FSD1: variants seen among roughly 807,000 people sequenced by gnomAD.
FSD1 encodes the protein fibronectin type III and SPRY domain-containing protein 1.
FSD1 carries 23 observed loss-of-function variants against 58.2 expected under a neutral mutation model. The ratio of observed to expected loss-of-function variants is 0.40; its 90% CI spans 0.28 to 0.56. The LOEUF is 0.56. Ranked by LOEUF, FSD1 falls within the 20% of genes least tolerant of loss-of-function variation. The pLI is 0.54. For synonymous variants in FSD1, 265 were observed against 263.4 expected (o/e 1.01, Z -0.06); for missense variants, 563 against 670.8 (o/e 0.84, Z 1.78).
chr19:4,309,858 G>A (rs1971668382), intron 4 of FSD1, among the ~76,000 whole-genome samples: 2 of 149,566 alleles, frequency 1.3e-5, no homozygotes, highest in South Asian at 4.2e-4. Flanking sequence ...GCAGTGAGCC[G>A]AGATCGTGCC....
At position 4,317,172 on chromosome 19, in the gene FSD1, T is replaced by C. The variant is rs762863585; in HGVS notation, c.701-10T>C. On this transcript the variant is annotated splice_polypyrimidine_tract_variant and intron_variant, in intron 7 of 12. Coordinates refer to ENST00000221856, the MANE Select transcript of FSD1 (RefSeq NM_024333.3). ...ATACACAGTGTTGAAATGCCTCTCT[T>C]GCCTACCAGGTCTCAAGTTTGACAT... The C allele has an allele frequency of 6.5e-7, 1 of 1,540,256 alleles. No individual in the cohort carries two copies. The highest frequency in any genetic ancestry group is 9.0e-7 in the Non-Finnish European group (1 of 1,112,892).
intron 10 of FSD1, among the ~76,000 whole-genome samples, chr19:4,320,342 A>G (rs1315221777): frequency 1.3e-5 from 2 of 151,926 alleles, no homozygotes; most frequent in East Asian, 1.9e-4. Context: ...AACTAGGGGG[A>G]GCATCTGGAC....
intron 4 of FSD1, among the ~76,000 whole-genome samples, chr19:4,308,701 C>A (rs1971653194): frequency 6.6e-6 from 1 of 151,994 alleles, no homozygotes; most frequent in African/African-American, 2.4e-5. Flanking sequence ...AAAAAAAATA[C>A]AAATAAATTA....
chr19:4,321,739 A>G (rs73919832), intron 10 of FSD1, among the ~76,000 whole-genome samples: 4,061 of 143,328 alleles, frequency 0.028, 132 homozygotes, highest in African/African-American at 0.085. Context: ...ATCTGGGGGG[A>G]AATAGCTGGG....
intron 9 of FSD1, 55 bp from the exon 10 acceptor site, chr19:4,318,817 A>G (rs1184949181): frequency 1.2e-5 from 17 of 1,396,960 alleles, no homozygotes; most frequent in Non-Finnish European, 1.5e-5. Context: ...TTACCGTGGG[A>G]GAGAGAAGTG....
intron 10 of FSD1, among the ~76,000 whole-genome samples, chr19:4,319,994 A>T (rs960957238): frequency 1.3e-5 from 2 of 152,042 alleles, no homozygotes; most frequent in African/African-American, 4.8e-5. Context: ...CCTGGGGAGG[A>T]TCTCAACTCT....
At chr19:4,315,786 G>C (rs1373766770) in intron 7 of FSD1, among the ~76,000 whole-genome samples, 1 of 151,472 alleles carries the variant, frequency 6.6e-6, no homozygotes, top group Non-Finnish European at 1.5e-5. Flanking sequence ...TAATTTTTGT[G>C]TTTTTAGTAG....
rs1568383276 is a variant in FSD1 at position 4,323,414 on chromosome 19, A to G, written c.1358A>G (p.Gln453Arg). 1 of 1,613,708 alleles carries G rather than the reference A, an allele frequency of 6.2e-7. No individual in the cohort carries two copies. The change falls in exon 12 of 13, where the codon CAG (glutamine) becomes CGG (arginine). Residue 453 changes from glutamine (Q) to arginine (R), a missense_variant. Physicochemically the swap from Gln to Arg is conservative, Grantham distance 43 (BLOSUM62 1). Transcript: ENST00000221856. This position sits in a 1 kb window ranked among gnomAD's most constrained non-coding sequence, Gnocchi z 7.7. ...VLHTFKTRFT[Q>R]PLLPAFTVWC... is the part of the protein sequence containing the mutation. ...CACACTTTCAAGACCAGGTTCACAC[A>G]GCCGCTGCTGCCTGCTTTCACGGTG...
intron 7 of FSD1, among the ~76,000 whole-genome samples, chr19:4,313,983 G>A (rs376580665): frequency 6.6e-6 from 1 of 151,428 alleles, no homozygotes. Flanking sequence ...AGCAGAGATC[G>A]CGCCACTGCA....
At chr19:4,316,792 C>A (rs1907692863) in intron 7 of FSD1, among the ~76,000 whole-genome samples, 1 of 151,718 alleles carries the variant, frequency 6.6e-6, no homozygotes, top group Non-Finnish European at 1.5e-5. Flanking sequence ...TTCTTGTTGC[C>A]CAGGCTGGAG....
At chr19:4,319,354 A>G (rs1971790022) in intron 10 of FSD1, among the ~76,000 whole-genome samples, 1 of 152,114 alleles carries the variant, frequency 6.6e-6, no homozygotes. Flanking sequence ...ATTTTGGGGG[A>G]TCACCTGAGG....
At chr19:4,313,675 G>A (rs1003730979) in intron 7 of FSD1, among the ~76,000 whole-genome samples, 6 of 148,498 alleles carry the variant, frequency 4.0e-5, no homozygotes, top group Non-Finnish European at 7.4e-5. Flanking sequence ...CTGAGATTGC[G>A]CCACTGAGCT....
intron 5 of FSD1, 28 bp from the exon 6 acceptor site, chr19:4,310,447 C>G (rs377370376): frequency 6.2e-7 from 1 of 1,606,782 alleles, no homozygotes; most frequent in Non-Finnish European, 8.5e-7. Flanking sequence ...TGGTCCCCCA[C>G]GCAACGCCTG....
intron 7 of FSD1, among the ~76,000 whole-genome samples, chr19:4,316,334 TC>T (rs1971754883): frequency 6.6e-6 from 1 of 150,712 alleles, no homozygotes; most frequent in Non-Finnish European, 1.5e-5. Context: ...TGATTCTCCT[TC>T]CGCAGCCTCC....
intron 10 of FSD1, among the ~76,000 whole-genome samples, chr19:4,321,908 G>C (rs1971822977): frequency 6.6e-6 from 1 of 150,996 alleles, no homozygotes; most frequent in Non-Finnish European, 1.5e-5. Context: ...GAATAGCTGG[G>C]ATCCTGAGGA....
chr19:4,312,732 G>A (rs1971708049), intron 7 of FSD1, among the ~76,000 whole-genome samples: 1 of 151,274 alleles, frequency 6.6e-6, no homozygotes, highest in South Asian at 2.1e-4. Context: ...GTGAACTCGG[G>A]AGGCGGAGCT....
At chr19:4,308,202 G>A (rs984655327) in intron 4 of FSD1, among the ~76,000 whole-genome samples, 4 of 151,970 alleles carry the variant, frequency 2.6e-5, no homozygotes, top group African/African-American at 9.7e-5. Context: ...GAGGTCAGGA[G>A]TTCAAGACTA....
In FSD1 at chr19:4,323,660, C is replaced by G. The variant is rs1971733274; in HGVS notation, c.*17C>G. The G allele has an allele frequency of 1.3e-6, 2 of 1,577,622 alleles. No homozygotes were observed. ...CTCACCTAGGCCCCCAGGCACCCAC[C>G]CAGCTGGGGTGTTTTTGGGGGAGTC... is the stretch of plus-strand genomic sequence containing the variant. On this transcript the variant is annotated 3_prime_UTR_variant, in exon 13 of 13. Coordinates refer to ENST00000221856, the MANE Select transcript of FSD1 (RefSeq NM_024333.3). The surrounding 1 kb of genome is among the most constrained non-coding windows in gnomAD (Gnocchi z 7.7).
intron 7 of FSD1, among the ~76,000 whole-genome samples, chr19:4,312,516 A>T (rs1971704752): frequency 7.2e-6 from 1 of 138,340 alleles, no homozygotes; most frequent in South Asian, 2.3e-4. Flanking sequence ...AATAATAATG[A>T]ATATAGGCCG....
Sources: allele counts gnomAD v4.1 joint callset (sites outside exome capture counted in the v4.1 genomes callset), GRCh38; gene constraint gnomAD v4.1.1; non-coding constraint Gnocchi (gnomAD v3.1); transcripts MANE v1.5; gene names NCBI Gene and HGNC (gene_info 2026-07-23, HGNC 2026-07-21).